Variants in CNBD1 observed in about 807,000 individuals in gnomAD.
CNBD1 encodes cyclic nucleotide binding domain containing 1.
A neutral mutation model predicts 54.4 loss-of-function variants in CNBD1; 71 were observed. That is an observed-to-expected ratio of 1.30 (90% CI 1.08 to 1.59). The LOEUF is 1.59. CNBD1 is among the 40% of genes most tolerant of loss of function. The pLI is 0.00. For missense variants in CNBD1, 659 were observed against 518.0 expected (o/e 1.27, Z -2.64); for synonymous variants, 182 against 170.7 (o/e 1.07, Z -0.51).
chr8:87,194,052 A>C (rs1229799993), intron 4 of CNBD1, among the ~76,000 whole-genome samples: 1 of 152,168 alleles, frequency 6.6e-6, no homozygotes, highest in Admixed American at 6.5e-5. Context: ...TCGGCAAATT[A>C]GATTTTCATG....
At chr8:86,984,226 C>A (rs955871543) in intron 4 of CNBD1, among the ~76,000 whole-genome samples, 1 of 152,170 alleles carries the variant, frequency 6.6e-6, no homozygotes, top group African/African-American at 2.4e-5. Flanking sequence ...TGTGAGTGCA[C>A]AGAAGTCAAG....
intron 4 of CNBD1, among the ~76,000 whole-genome samples, chr8:87,092,393 A>ATG (rs1269097141): frequency 1.4e-5 from 2 of 145,430 alleles, no homozygotes; most frequent in African/African-American, 2.6e-5. Context: ...GTGTATATAT[A>ATG]TGTGTGTGTG....
chr8:87,279,183 C>T (rs1808540334), intron 6 of CNBD1, among the ~76,000 whole-genome samples: 1 of 151,286 alleles, frequency 6.6e-6, no homozygotes, highest in Non-Finnish European at 1.5e-5. Context: ...ATGTATCTTC[C>T]ATGCATAATG....
At chr8:87,120,393 T>C (rs1408790960) in intron 4 of CNBD1, among the ~76,000 whole-genome samples, 3 of 152,224 alleles carry the variant, frequency 2.0e-5, no homozygotes, top group Admixed American at 2.0e-4. Flanking sequence ...TGATCTTTTG[T>C]ATTTCTGTGG....
chr8:86,962,102 CAG>C (rs560158570), intron 4 of CNBD1, among the ~76,000 whole-genome samples: 3 of 147,206 alleles, frequency 2.0e-5, no homozygotes, highest in Admixed American at 6.6e-5. Flanking sequence ...ATGAGGAAAA[CAG>C]AGGTTTTTTT....
chr8:86,991,412 T>C (rs1003671998), intron 4 of CNBD1, among the ~76,000 whole-genome samples: 8 of 152,080 alleles, frequency 5.3e-5, no homozygotes, highest in South Asian at 2.1e-4. Context: ...CTCTCTCTCT[T>C]TTGTTAATCT....
chr8:87,105,188 CAGTT>C (rs2130697781), intron 4 of CNBD1, among the ~76,000 whole-genome samples: 1 of 152,110 alleles, frequency 6.6e-6, no homozygotes, highest in Admixed American at 6.5e-5. Context: ...TGTGAAATAC[CAGTT>C]AGCTTAGGAT....
chr8:87,042,389 G>A (rs1224582843), intron 4 of CNBD1, among the ~76,000 whole-genome samples: 2 of 152,212 alleles, frequency 1.3e-5, no homozygotes, highest in African/African-American at 4.8e-5. Flanking sequence ...GTATTCTGTA[G>A]TGGTGTCTGC....
At chr8:86,965,857 C>G (rs898631511) in intron 4 of CNBD1, among the ~76,000 whole-genome samples, 2 of 152,238 alleles carry the variant, frequency 1.3e-5, no homozygotes, top group Non-Finnish European at 1.5e-5. Flanking sequence ...ATCCGTGGAG[C>G]CTTCAGTTCT....
chr8:86,987,199 A>G (rs561197026), intron 4 of CNBD1, among the ~76,000 whole-genome samples: 1 of 152,116 alleles, frequency 6.6e-6, no homozygotes, highest in East Asian at 1.9e-4. Context: ...ATCAGTGTTT[A>G]ATTCTCCTTG....
At chr8:87,308,643 T>C (rs1809204439) in intron 8 of CNBD1, among the ~76,000 whole-genome samples, 2 of 152,320 alleles carry the variant, frequency 1.3e-5, no homozygotes, top group African/African-American at 2.4e-5. Context: ...CAGTATATTG[T>C]TGTTAACTAT....
intron 4 of CNBD1, among the ~76,000 whole-genome samples, chr8:87,072,711 C>A (rs139963777): frequency 2.6e-5 from 4 of 151,672 alleles, no homozygotes; most frequent in African/African-American, 9.7e-5. Flanking sequence ...TGTAGGTGAC[C>A]TGGCCTTTTT....
At chr8:87,219,913 C>A (rs896296257) in intron 5 of CNBD1, among the ~76,000 whole-genome samples, 3 of 151,648 alleles carry the variant, frequency 2.0e-5, no homozygotes, top group Non-Finnish European at 4.4e-5. Flanking sequence ...TTCACTAGTT[C>A]ATATATTTTA....
At chr8:86,981,614 CAG>C (rs1257869856) in intron 4 of CNBD1, among the ~76,000 whole-genome samples, 14 of 152,302 alleles carry the variant, frequency 9.2e-5, no homozygotes, top group Admixed American at 7.9e-4. Flanking sequence ...TTTTTGTCAT[CAG>C]AGTTTGACCT....
intron 4 of CNBD1, among the ~76,000 whole-genome samples, chr8:87,145,252 A>G (rs1380866894): frequency 1.3e-5 from 2 of 152,186 alleles, no homozygotes; most frequent in Non-Finnish European, 2.9e-5. Context: ...TGGATAGCTT[A>G]AGAGTAAAAT....
chr8:87,077,256 C>G (rs988920306), intron 4 of CNBD1, among the ~76,000 whole-genome samples: 1 of 152,116 alleles, frequency 6.6e-6, no homozygotes, highest in African/African-American at 2.4e-5. Context: ...GTATTTCTCA[C>G]TGTTCTGGAG....
At chr8:87,142,156 C>T (rs1796113746) in intron 4 of CNBD1, among the ~76,000 whole-genome samples, 1 of 151,900 alleles carries the variant, frequency 6.6e-6, no homozygotes, top group African/African-American at 2.4e-5. Context: ...ATGAGGTTAC[C>T]AGGGAACGTT....
chr8:87,335,206 G>A (rs1003745710), intron 8 of CNBD1, among the ~76,000 whole-genome samples: 3 of 152,118 alleles, frequency 2.0e-5, no homozygotes, highest in African/African-American at 4.8e-5. Flanking sequence ...GAGTTCTGTA[G>A]GTATCTATTA....
intron 4 of CNBD1, among the ~76,000 whole-genome samples, chr8:87,165,833 C>T (rs990270003): frequency 1.3e-5 from 2 of 151,790 alleles, no homozygotes; most frequent in Non-Finnish European, 2.9e-5. Flanking sequence ...GGACGTTCAC[C>T]TATTGTTTAT....
Sources: gnomAD v4.1 joint callset for allele counts (sites outside exome capture counted in the v4.1 genomes callset) on GRCh38, gnomAD v4.1.1 for gene constraint, MANE v1.5 for transcripts, NCBI Gene and HGNC (gene_info 2026-07-23, HGNC 2026-07-21) for gene names.